C2orf66: variants seen among roughly 807,000 people sequenced by gnomAD.
The protein encoded by C2orf66 is uncharacterized protein C2orf66.
C2orf66 carries 6 observed loss-of-function variants against 7.0 expected under a neutral mutation model. That is an observed-to-expected ratio of 0.86 (90% CI 0.47 to 1.69). C2orf66 has a LOEUF of 1.69. Among genes scored for constraint, C2orf66 ranks in the 40% most tolerant of loss-of-function variants. The pLI is 0.01. For missense variants in C2orf66, 107 were observed against 112.0 expected, an observed-to-expected ratio of 0.96 and a Z score of 0.20; for synonymous variants, 38 against 43.8, an observed-to-expected ratio of 0.87 and a Z score of 0.52.
upstream of C2orf66, chr2:196,809,474 T>A: frequency 8.0e-7 from 1 of 1,250,290 alleles, no homozygotes; most frequent in Non-Finnish European, 1.1e-6. Flanking sequence ...CTGGTTTATC[T>A]AAGTTTTACA....
chr2:196,829,026 T>G, the C2orf66 span, among the ~76,000 whole-genome samples: 1 of 152,324 alleles, frequency 6.6e-6, no homozygotes, highest in Admixed American at 6.5e-5. Flanking sequence ...AATTGTAGTC[T>G]TTTGTTATGC....
the C2orf66 span, among the ~76,000 whole-genome samples, chr2:196,826,293 T>G: frequency 6.6e-6 from 1 of 152,220 alleles, no homozygotes; most frequent in Non-Finnish European, 1.5e-5. Context: ...ACTATTATAA[T>G]TAGCAAAATA....
the C2orf66 span, among the ~76,000 whole-genome samples, chr2:196,831,550 C>G: frequency 0.1 from 15,308 of 152,160 alleles, 930 homozygotes; most frequent in African/African-American, 0.17. Context: ...TCCATGCAGG[C>G]ATAGAGACCC....
At chr2:196,831,924 A>T in the C2orf66 span, 1 of 152,126 alleles carries the variant, frequency 6.6e-6, no homozygotes, top group Non-Finnish European at 1.5e-5. Context: ...CTGTTCACTT[A>T]TCGTGGCCTT....
chr2:196,807,344 C>G, intron 2 of C2orf66, 80 bp downstream of exon 2: 1 of 830,816 alleles, frequency 1.2e-6, no homozygotes, highest in South Asian at 1.9e-5. Context: ...ATTATGTTTT[C>G]AAATAAATAC....
At position 196,809,240 on chromosome 2, in the gene C2orf66, G is replaced by A; in HGVS notation, c.97C>T (p.Leu33Phe). 1 of 1,614,066 alleles carries A rather than the reference G, an allele frequency of 6.2e-7. No individual in the cohort carries two copies. The highest frequency in any genetic ancestry group is 1.7e-4 in the Middle Eastern group (1 of 6,044). Residue 33 changes from leucine to phenylalanine, a missense_variant, in exon 1 of 3, where the codon CTC becomes TTC. Transcript: ENST00000342506. ...TVRNEDKWKPLNNPRNRDLFF... is the reference protein window; with the variant it reads ...TVRNEDKWKPFNNPRNRDLFF... ...AGATCTCTGTTTCTGGGGTTGTTGA[G>A]TGGCTTCCATTTGTCCTCATTTCTT...
chr2:196,827,164 A>C, the C2orf66 span, among the ~76,000 whole-genome samples: 1 of 149,862 alleles, frequency 6.7e-6, no homozygotes, highest in Admixed American at 6.7e-5. Flanking sequence ...ACTTGAGCCC[A>C]GGAGGCCAAG....
chr2:196,807,772 T>G (rs1425618269), intron 1 of C2orf66, 150 bp from the exon 2 acceptor site: 1 of 640,584 alleles, frequency 1.6e-6, no homozygotes, highest in African/African-American at 1.9e-5. Context: ...AGTACATGCT[T>G]CAGCTACTTC....
chr2:196,814,120 C>T (rs540564151), upstream of C2orf66, among the ~76,000 whole-genome samples: 10 of 152,246 alleles, frequency 6.6e-5, no homozygotes, highest in Admixed American at 5.9e-4. Flanking sequence ...GACACATGCA[C>T]ACATATGTCT....
intron 2 of C2orf66, among the ~76,000 whole-genome samples, chr2:196,806,003 T>A (rs1453700115): frequency 1.3e-5 from 2 of 152,154 alleles, no homozygotes; most frequent in African/African-American, 4.8e-5. Context: ...AATCATCACA[T>A]TTAAAAGAAC....
At chr2:196,807,987 C>G (rs182468824) in intron 1 of C2orf66, among the ~76,000 whole-genome samples, 1 of 152,192 alleles carries the variant, frequency 6.6e-6, no homozygotes, top group African/African-American at 2.4e-5. Context: ...TATGAGATCT[C>G]TGTTGTTGCC....
At chr2:196,819,717 A>C in the C2orf66 span, among the ~76,000 whole-genome samples, 18,097 of 152,238 alleles carry the variant, frequency 0.12, 1,123 homozygotes, top group Non-Finnish European at 0.14. Flanking sequence ...TGCCTGGCAC[A>C]GTGTAGTTAT....
chr2:196,813,451 G>A (rs533266747), upstream of C2orf66, among the ~76,000 whole-genome samples: 7 of 152,224 alleles, frequency 4.6e-5, no homozygotes, highest in East Asian at 1.9e-4. Context: ...AGACTTAAAC[G>A]TAAGACCTAA....
At chr2:196,810,237 GA>G (rs902363180), upstream of C2orf66, 2 of 152,158 alleles carry the variant, frequency 1.3e-5, no homozygotes, top group African/African-American at 4.8e-5. Flanking sequence ...TAAGGGAAGG[GA>G]TACACCTGGA....
rs758670316 is a variant in C2orf66 at position 196,807,421 on chromosome 2, T to C, written c.*19+3A>G. 1.9e-6 allele frequency: 3 copies of C among 1,588,186 alleles called. No individual in the cohort carries two copies. Among genetic ancestry groups the C allele is most frequent in the Non-Finnish European group, 1.7e-6 (2 of 1,167,328 alleles). On this transcript the variant is annotated splice_donor_region_variant and intron_variant, in intron 2 of 2. Transcript: ENST00000342506. ...AGATCCAGAATAAAGGGCCAACTTT[T>C]ACCTGAGCTCAGAAGAAACTTTCAG...
At chr2:196,809,412 G>A, upstream of C2orf66, 4 of 1,587,010 alleles carry the variant, frequency 2.5e-6, no homozygotes, top group Non-Finnish European at 3.4e-6. Context: ...AGGGAAGAGA[G>A]AGAGAAAGAG....
Position 196,807,507 on chromosome 2 carries a change from G to A in C2orf66, c.239C>T (p.Thr80Ile). The change falls in exon 2 of 3, where the codon ACT becomes ATT. Residue 80 changes from threonine (T) to isoleucine (I), a missense_variant. Coordinates refer to ENST00000342506, the MANE Select transcript of C2orf66 (RefSeq NM_213608.3). ...PRPLSFQSEL[T>I]ASASADYEEQ... ...TTCATAATCTGCAGATGCAGAAGCA[G>A]TAAGTTCTGACTGGAAAGAGAGAGG... is the stretch of plus-strand genomic sequence containing the variant. The A allele has an allele frequency of 6.2e-7, 1 of 1,613,574 alleles. No individual in the cohort carries two copies. Among genetic ancestry groups the A allele is most frequent in the Non-Finnish European group, 8.5e-7 (1 of 1,179,714 alleles).
the C2orf66 span, among the ~76,000 whole-genome samples, chr2:196,817,076 A>G: frequency 1.3e-5 from 2 of 152,136 alleles, no homozygotes; most frequent in East Asian, 3.9e-4. Context: ...TTCAAAGGGT[A>G]AAAAGGAGAA....
the C2orf66 span, among the ~76,000 whole-genome samples, chr2:196,820,810 C>T: frequency 6.0e-3 from 914 of 152,300 alleles, 4 homozygotes; most frequent in African/African-American, 0.021. Context: ...AGAATTTGGG[C>T]TTCCTAAGAT....
Sources: allele counts gnomAD v4.1 joint callset (sites outside exome capture counted in the v4.1 genomes callset), GRCh38; gene constraint gnomAD v4.1.1; transcripts MANE v1.5; gene names NCBI Gene and HGNC (gene_info 2026-07-23, HGNC 2026-07-21).